MTARC2: variants seen among roughly 807,000 people sequenced by gnomAD.
The protein encoded by MTARC2 is mitochondrial amidoxime reducing component 2, also known as MOCO sulphurase C-terminal domain containing 2.
Under a neutral mutation model 35.6 loss-of-function variants are expected in MTARC2, and 27 were observed. The ratio of observed to expected loss-of-function variants is 0.76; its 90% CI spans 0.56 to 1.04. MTARC2 has a LOEUF of 1.04. Among genes scored for constraint, MTARC2 ranks in the 50% least tolerant of loss-of-function variants. The pLI, the probability that MTARC2 is intolerant of heterozygous loss-of-function variation, is 0.00. For synonymous variants in MTARC2, 158 were observed against 167.1 expected (o/e 0.95, Z 0.42); for missense variants, 412 against 432.5 (o/e 0.95, Z 0.42).
chr1:220,781,530 C>T (rs1672069803), intron 6 of MTARC2, among the ~76,000 whole-genome samples: 1 of 152,200 alleles, frequency 6.6e-6, no homozygotes, highest in African/African-American at 2.4e-5. Context: ...TATACTTACA[C>T]ATAAGTTTTT....
chr1:220,780,751 A>T, intron 6 of MTARC2, among the ~76,000 whole-genome samples: 1 of 151,978 alleles, frequency 6.6e-6, no homozygotes, highest in African/African-American at 2.4e-5. Context: ...GCTTTGATAA[A>T]CTTTTAATTC....
At position 220,773,808 on chromosome 1, in the gene MTARC2, C is replaced by A. The variant is rs574556298; in HGVS notation, c.751-6210C>A. ...ATTATACCTCTTATAAAAAATAAAG[C>A]AAAAAAGGCAAAAGAAAAAAATTAA... On this transcript the variant is annotated intron_variant, in intron 4 of 7. Transcript: ENST00000366913. Among the ~76,000 whole-genome samples the A allele has an allele frequency of 1.3e-4, 19 of 150,404 alleles. No individual in the cohort carries two copies. In the East Asian group the frequency reaches 3.5e-3, roughly 28 times the overall value.
chr1:220,771,144 C>G (rs566156713), intron 4 of MTARC2, among the ~76,000 whole-genome samples: 1 of 152,022 alleles, frequency 6.6e-6, no homozygotes, highest in African/African-American at 2.4e-5. Flanking sequence ...ATTAAAAATA[C>G]GAAAATTAGC....
At position 220,748,370 on chromosome 1, in the gene MTARC2, C is replaced by A; in HGVS notation, c.-162C>A. On this transcript the variant is annotated 5_prime_UTR_variant, in exon 1 of 8. Transcript: ENST00000366913. ...CGCATTAAGGCATTCCCGCTCTCCG[C>A]GGAACTGCTCTGCCGTCTCGGCGGT... 2 of 693,714 alleles carry A rather than the reference C, an allele frequency of 2.9e-6. No homozygotes were observed. Among genetic ancestry groups the A allele is most frequent in the Admixed American group, 4.4e-5 (1 of 22,490 alleles). The allele number at this position is 693,714 out of a possible 1,614,324, so 43.0% of individuals were successfully genotyped here. A position where few individuals can be genotyped will look rare whatever the true frequency, so the allele number is the denominator to read the frequency against.
At chr1:220,767,249 C>T (rs1671604076) in intron 4 of MTARC2, among the ~76,000 whole-genome samples, 1 of 152,132 alleles carries the variant, frequency 6.6e-6, no homozygotes, top group African/African-American at 2.4e-5. Flanking sequence ...ATCTGTTTAC[C>T]TGGTACCATC....
In MTARC2 at chr1:220,783,933, G is replaced by C; in HGVS notation, c.*46G>C. 1.4e-6 allele frequency: 1 copy of C among 717,438 alleles called. No individual in the cohort carries two copies. Among genetic ancestry groups the C allele is most frequent in the Admixed American group, 2.0e-5 (1 of 50,012 alleles). 44.4% of individuals were successfully genotyped at this position (717,438 alleles called of 1,614,324 possible). On this transcript the variant is annotated 3_prime_UTR_variant, in exon 8 of 8. Coordinates refer to ENST00000366913, the MANE Select transcript of MTARC2 (RefSeq NM_017898.5). ...TATTTATTCAGGCTTCAGCAACCAGGAGGGATTGACTGAGATCTTAACAAC... is the reference window on the plus strand; with the variant it reads ...TATTTATTCAGGCTTCAGCAACCAGCAGGGATTGACTGAGATCTTAACAAC...
At chr1:220,751,236 G>C (rs1671115505) in intron 1 of MTARC2, among the ~76,000 whole-genome samples, 1 of 152,158 alleles carries the variant, frequency 6.6e-6, no homozygotes. Flanking sequence ...AATTTCTAAA[G>C]GTATTTTGTT....
intron 4 of MTARC2, among the ~76,000 whole-genome samples, chr1:220,767,918 T>C (rs1485031144): frequency 6.6e-6 from 1 of 152,244 alleles, no homozygotes; most frequent in Admixed American, 6.5e-5. Flanking sequence ...TCATGATCAC[T>C]AGACTTTTCA....
intron 6 of MTARC2, 67 bp from the exon 7 acceptor site, chr1:220,781,711 T>A (rs1278873222): frequency 1.3e-6 from 2 of 1,563,266 alleles, no homozygotes; most frequent in Admixed American, 3.5e-5. Flanking sequence ...AAACTTGAGT[T>A]CTATTGAGAA....
intron 2 of MTARC2, chr1:220,756,321 T>A (rs577102841): frequency 6.6e-6 from 1 of 152,366 alleles, no homozygotes; most frequent in South Asian, 2.1e-4. Flanking sequence ...TGAACTCTCA[T>A]CTTACGCTTT....
At chr1:220,754,556 A>T in intron 1 of MTARC2, 1 of 402,304 alleles carries the variant, frequency 2.5e-6, no homozygotes, top group East Asian at 7.1e-5. Context: ...AGGACCTGAA[A>T]GCTATTTTAC....
chr1:220,748,799 G>C lies in MTARC2; in HGVS notation c.268G>C (p.Asp90His). The C allele has an allele frequency of 6.3e-7, 1 of 1,591,352 alleles. No individual in the cohort carries two copies. Among genetic ancestry groups the C allele is most frequent in the Non-Finnish European group, 8.5e-7 (1 of 1,169,684 alleles). The part of the protein sequence containing the change: ...AMGLRSGNLR[D>H]RFWLVIKEDG... ...GGGGCTGCGCAGCGGCAACCTGCGG[G>C]ACAGGTACAGCACAGCGCGGGCGCG... Residue 90 changes from aspartate to histidine, a missense_variant, in exon 1 of 8, where the codon GAC (aspartate) becomes CAC (histidine). Asp to His is a moderately conservative substitution (Grantham distance 81). Transcript: ENST00000366913.
chr1:220,761,345 T>C (rs1030757225), intron 2 of MTARC2, among the ~76,000 whole-genome samples: 6 of 152,222 alleles, frequency 3.9e-5, no homozygotes, highest in African/African-American at 1.4e-4. Flanking sequence ...CTTACGTTCA[T>C]GGACCAGCAG....
intron 4 of MTARC2, 139 bp downstream of exon 4, chr1:220,763,189 T>C: frequency 8.0e-7 from 1 of 1,244,774 alleles, no homozygotes; most frequent in Non-Finnish European, 1.1e-6. Context: ...ACTCATTGCT[T>C]GCGGAGTTGT....
intron 2 of MTARC2, among the ~76,000 whole-genome samples, chr1:220,759,950 C>G (rs1178664477): frequency 6.6e-6 from 1 of 152,128 alleles, no homozygotes; most frequent in Non-Finnish European, 1.5e-5. Flanking sequence ...CTGGGAGCAC[C>G]TCAGGTGTCC....
intron 3 of MTARC2, among the ~76,000 whole-genome samples, chr1:220,762,565 A>C (rs763301003): frequency 1.3e-5 from 2 of 152,122 alleles, no homozygotes; most frequent in Non-Finnish European, 2.9e-5. Context: ...GTTGTTGAGG[A>C]AATTATTACT....
rs1479680316 is a variant in MTARC2, at chr1:220,754,977, C to T, written c.303C>T (p.His101=). ...RFWLVIKEDG[H]MVTARQEPRL... ...GGCTGGTGATTAAGGAAGATGGACA[C>T]ATGGTCACTGCCCGACAGGAGCCTC... Residue 101 remains histidine, a synonymous_variant, in exon 2 of 8, where the codon CAC becomes CAT. Transcript: ENST00000366913. 3 of 1,605,560 alleles carry T rather than the reference C, an allele frequency of 1.9e-6. No individual in the cohort carries two copies. Among genetic ancestry groups the T allele is most frequent in the East Asian group, 2.2e-5 (1 of 44,538 alleles).
chr1:220,753,703 C>T (rs559868907), intron 1 of MTARC2, among the ~76,000 whole-genome samples: 1 of 152,320 alleles, frequency 6.6e-6, no homozygotes, highest in African/African-American at 2.4e-5. Flanking sequence ...TTTTACTTAT[C>T]AGTGCCTGCA....
chr1:220,763,254 C>T (rs1295411214), intron 4 of MTARC2, among the ~76,000 whole-genome samples: 2 of 152,076 alleles, frequency 1.3e-5, no homozygotes, highest in Non-Finnish European at 2.9e-5. Flanking sequence ...TGCTCTCACC[C>T]GTTAATGCTT....
Sources: allele counts gnomAD v4.1 joint callset (sites outside exome capture counted in the v4.1 genomes callset), GRCh38; gene constraint gnomAD v4.1.1; transcripts MANE v1.5; gene names NCBI Gene and HGNC (gene_info 2026-07-23, HGNC 2026-07-21).